TMEM94: variants seen among roughly 807,000 people sequenced by gnomAD.
The protein encoded by TMEM94 is transmembrane protein 94.
Under a neutral mutation model 158.6 loss-of-function variants are expected in TMEM94, and 81 were observed. The observed-to-expected ratio is 0.51, with a 90% CI of 0.43 to 0.61. TMEM94 has a LOEUF of 0.61. TMEM94 is among the 20% of genes least tolerant of loss of function. The pLI, the probability that TMEM94 is intolerant of heterozygous loss-of-function variation, is 0.00. For synonymous variants in TMEM94, 751 were observed against 730.7 expected (o/e 1.03, Z -0.45); for missense variants, 1,435 against 1,762.0 (o/e 0.81, Z 3.32).
At chr17:75,470,644 G>A (rs1200164848) in intron 1 of TMEM94, among the ~76,000 whole-genome samples, 2 of 151,930 alleles carry the variant, frequency 1.3e-5, no homozygotes, top group African/African-American at 2.4e-5. Context: ...GGTGGAGCTT[G>A]CAGTGAGCCG....
At chr17:75,467,807 C>G (rs2050362775) in intron 1 of TMEM94, among the ~76,000 whole-genome samples, 1 of 152,162 alleles carries the variant, frequency 6.6e-6, no homozygotes, top group Non-Finnish European at 1.5e-5. Context: ...GCTGGGATTA[C>G]AGGCGTGAGC....
At chr17:75,483,234 G>A (rs1364519869) in intron 2 of TMEM94, among the ~76,000 whole-genome samples, 2 of 152,150 alleles carry the variant, frequency 1.3e-5, no homozygotes, top group Non-Finnish European at 2.9e-5. Context: ...CACAAGAATC[G>A]GACTTGATTT....
In TMEM94 at chr17:75,485,324, A is replaced by G; in HGVS notation, c.25-104A>G. On this transcript the variant is annotated intron_variant, in intron 2 of 31. Transcript: ENST00000314256. This position sits in a 1 kb window ranked among gnomAD's most constrained non-coding sequence, Gnocchi z 5.5. ...AGGGGAAGAGATGTGAGGATCCCAG[A>G]GGAGGGGAAGGATGAAGGGCCAGGG... 7.5e-7 allele frequency: 1 copy of G among 1,333,756 alleles called. No homozygotes were observed. The highest frequency in any genetic ancestry group is 1.0e-6 in the Non-Finnish European group (1 of 967,510). The allele number at this position is 1,333,756 out of a possible 1,614,324, so 82.6% of individuals were successfully genotyped here. A position where few individuals can be genotyped will look rare whatever the true frequency, so the allele number is the denominator to read the frequency against.
At position 75,488,759 on chromosome 17, in the gene TMEM94, G is replaced by C. The variant is rs755394211; in HGVS notation, c.613G>C (p.Asp205His). 6 of 1,613,854 alleles carry C rather than the reference G, an allele frequency of 3.7e-6. No individual in the cohort carries two copies. The highest frequency in any genetic ancestry group is 5.1e-6 in the Non-Finnish European group (6 of 1,179,920). ...ESFASLRGIK[D>H]DEHIVLEPGD... ...CCACTCTCCCACTTGCTGCCGGCAG[G>C]ATGACGAGCACATCGTCCTGGAGCC... Residue 205 changes from aspartate (D) to histidine (H), a missense_variant and splice_region_variant, in exon 7 of 32, where the codon GAT becomes CAT. By Grantham distance (81) the Asp-to-His change is moderately conservative. This residue lies in a region of TMEM94 where 1,051 missense variants were observed against 1,254.4 expected (regional missense o/e 0.84). Coordinates refer to ENST00000314256, the MANE Select transcript of TMEM94 (RefSeq NM_014738.6).
chr17:75,485,893 T>C lies in TMEM94; in HGVS notation c.167T>C (p.Leu56Pro). The C allele has an allele frequency of 6.2e-7, 1 of 1,613,092 alleles. No homozygotes were observed. Among genetic ancestry groups the C allele is most frequent in the Non-Finnish European group, 8.5e-7 (1 of 1,179,628 alleles). Residue 56 changes from leucine to proline, a missense_variant, in exon 4 of 32, where the codon CTC becomes CCC. Physicochemically the swap from Leu to Pro is moderately conservative, Grantham distance 98 (BLOSUM62 -3). Coordinates refer to ENST00000314256, the MANE Select transcript of TMEM94 (RefSeq NM_014738.6). This position sits in a 1 kb window ranked among gnomAD's most constrained non-coding sequence, Gnocchi z 5.5. ...TWKEVWRSSF[L>P]HHSNRCSCFH... ...CAGGAGGTGTGGAGAAGCAGCTTCC[T>C]CCACCACAGTAACCGCTGCTCCTGC...
rs2051540342 is a variant in TMEM94, at chr17:75,485,758, G to A, written c.145-113G>A. On this transcript the variant is annotated intron_variant, in intron 3 of 31. Transcript: ENST00000314256. This position sits in a 1 kb window ranked among gnomAD's most constrained non-coding sequence, Gnocchi z 5.5. Reference sequence around the variant, plus strand: ...CCCAACAGGCTGGAGCCCAGCCGAGGTCAAAGAGAGGGGACCAAGGCGGCC... The same window carrying A: ...CCCAACAGGCTGGAGCCCAGCCGAGATCAAAGAGAGGGGACCAAGGCGGCC... 7.0e-7 allele frequency: 1 copy of A among 1,423,702 alleles called. No individual in the cohort carries two copies. Among genetic ancestry groups the A allele is most frequent in the Admixed American group, 2.4e-5 (1 of 41,244 alleles). 88.2% of individuals were successfully genotyped at this position (1,423,702 alleles called of 1,614,324 possible). A position where few individuals can be genotyped will look rare whatever the true frequency, so the allele number is the denominator to read the frequency against.
intron 2 of TMEM94, among the ~76,000 whole-genome samples, chr17:75,478,685 C>T (rs964188727): frequency 6.6e-6 from 1 of 152,184 alleles, no homozygotes; most frequent in Non-Finnish European, 1.5e-5. Context: ...CTGCCTCTCC[C>T]GAGTCAGGAC....
rs1598348864 is a variant in TMEM94 at position 75,478,073 on chromosome 17, T to C, written c.24+6144T>C. The stretch of plus-strand genomic sequence containing the variant: ...CTCTGTCGCCCAGGCTGGAGTGCAG[T>C]GGCGGGATCTCGGCTCACTGCAAGC... On this transcript the variant is annotated intron_variant, in intron 2 of 31. Transcript: ENST00000314256. Among the ~76,000 whole-genome samples the C allele has an allele frequency of 2.9e-5, 3 of 104,548 alleles. No individual in the cohort carries two copies. In the South Asian group the frequency reaches 1.2e-3, roughly 43 times the overall value. 68.6% of individuals were successfully genotyped at this position (104,548 alleles called of 152,430 possible).
intron 2 of TMEM94, among the ~76,000 whole-genome samples, chr17:75,483,463 C>CTT (rs1195481464): frequency 5.7e-5 from 8 of 139,350 alleles, no homozygotes; most frequent in Non-Finnish European, 7.9e-5. Flanking sequence ...TTTTTCTTTT[C>CTT]TTTTTTTTTT....
chr17:75,475,647 C>G (rs763690562), intron 2 of TMEM94, among the ~76,000 whole-genome samples: 3 of 152,244 alleles, frequency 2.0e-5, no homozygotes, highest in African/African-American at 4.8e-5. Context: ...GCCTGATGCT[C>G]TGGCATGTGC....
rs750648569 is a variant in TMEM94, at chr17:75,495,929, C to T, written c.2945-37C>T. On this transcript the variant is annotated intron_variant, in intron 22 of 31. Transcript: ENST00000314256. The surrounding 1 kb of genome is among the most constrained non-coding windows in gnomAD (Gnocchi z 5.6). Reference sequence around the variant, plus strand: ...TGCCCAGTGCCCACTTGGTGCTCTGCCTGCCTGACTCTGGTGCCCTTATAC... The same window carrying T: ...TGCCCAGTGCCCACTTGGTGCTCTGTCTGCCTGACTCTGGTGCCCTTATAC... 3.4e-6 allele frequency: 5 copies of T among 1,489,274 alleles called. No homozygotes were observed. The highest frequency in any genetic ancestry group is 1.9e-6 in the Non-Finnish European group (2 of 1,072,046). The allele number at this position is 1,489,274 out of a possible 1,614,324, so 92.3% of individuals were successfully genotyped here.
intron 2 of TMEM94, among the ~76,000 whole-genome samples, chr17:75,482,563 T>C (rs2051262954): frequency 7.0e-6 from 1 of 142,262 alleles, no homozygotes; most frequent in African/African-American, 3.0e-5. Context: ...TATGTATGTA[T>C]GTATGTATAA....
intron 1 of TMEM94, among the ~76,000 whole-genome samples, chr17:75,462,898 G>T (rs1278230246): frequency 7.0e-6 from 1 of 142,534 alleles, no homozygotes; most frequent in Non-Finnish European, 1.5e-5. Flanking sequence ...GAAGTGGAAA[G>T]ATTGTTTGAG....
At chr17:75,477,086 ATGAAGGCACTT>A (rs1567920848) in intron 2 of TMEM94, among the ~76,000 whole-genome samples, 1 of 152,184 alleles carries the variant, frequency 6.6e-6, no homozygotes, top group Non-Finnish European at 1.5e-5. Flanking sequence ...CTCAGGGCCA[ATGAAGGCACTT>A]TGAAGGCACA....
intron 24 of TMEM94, 102 bp from the exon 25 acceptor site, chr17:75,496,628 G>GA: frequency 7.0e-7 from 1 of 1,421,632 alleles, no homozygotes; most frequent in Non-Finnish European, 9.9e-7. Context: ...TCCCCTCGTA[G>GA]AAGCATCCTG....
Position 75,498,865 on chromosome 17 carries a change from A to C in TMEM94, c.3828-47A>C. The C allele has an allele frequency of 6.6e-7, 1 of 1,525,496 alleles. No individual in the cohort carries two copies. The highest frequency in any genetic ancestry group is 8.8e-7 in the Non-Finnish European group (1 of 1,136,620). The allele number at this position is 1,525,496 out of a possible 1,614,324, so 94.5% of individuals were successfully genotyped here. A position where few individuals can be genotyped will look rare whatever the true frequency, so the allele number is the denominator to read the frequency against. On this transcript the variant is annotated intron_variant, in intron 30 of 31. Coordinates refer to ENST00000314256, the MANE Select transcript of TMEM94 (RefSeq NM_014738.6). The surrounding 1 kb of genome is among the most constrained non-coding windows in gnomAD (Gnocchi z 6.7). ...ACTGTTGTACTGGGAAGAGCAGGGA[A>C]GGAAGCAAGCAGTGTCGGGTTCACA...
At chr17:75,494,431 A>G (rs2052495716) in intron 18 of TMEM94, among the ~76,000 whole-genome samples, 196 bp from the exon 19 acceptor site, 1 of 152,244 alleles carries the variant, frequency 6.6e-6, no homozygotes, top group Non-Finnish European at 1.5e-5. Flanking sequence ...CTTCCAGCTC[A>G]GATTCGGCTA....
At position 75,489,449 on chromosome 17, in the gene TMEM94, G is replaced by A; in HGVS notation, c.867+81G>A. ...GGGGGGGTCTCAGGGCCACTCACAT[G>A]AGCGGGAGTGAATGCAGAGGGTCCC... On this transcript the variant is annotated intron_variant, in intron 8 of 31. Transcript: ENST00000314256. This position sits in a 1 kb window ranked among gnomAD's most constrained non-coding sequence, Gnocchi z 5.0. 2 of 1,490,314 alleles carry A rather than the reference G, an allele frequency of 1.3e-6. No individual in the cohort carries two copies. Among genetic ancestry groups the A allele is most frequent in the South Asian group, 2.3e-5 (2 of 88,378 alleles). The allele number at this position is 1,490,314 out of a possible 1,614,324, so 92.3% of individuals were successfully genotyped here.
rs1433704840 is a variant in TMEM94, at chr17:75,485,717, C to T, written c.145-154C>T. ...GTTCCCCTCAGAGTGGCTCCTGAGC[C>T]TGCTTGCTGCAGGAGCCCAACAGGC... On this transcript the variant is annotated intron_variant, in intron 3 of 31. Coordinates refer to ENST00000314256, the MANE Select transcript of TMEM94 (RefSeq NM_014738.6). This position sits in a 1 kb window ranked among gnomAD's most constrained non-coding sequence, Gnocchi z 5.5. 1.5e-6 allele frequency: 2 copies of T among 1,327,424 alleles called. No homozygotes were observed. Among genetic ancestry groups the T allele is most frequent in the Non-Finnish European group, 1.0e-6 (1 of 974,054 alleles). The allele number at this position is 1,327,424 out of a possible 1,614,324, so 82.2% of individuals were successfully genotyped here. A position where few individuals can be genotyped will look rare whatever the true frequency, so the allele number is the denominator to read the frequency against.
Sources: allele counts gnomAD v4.1 joint callset (sites outside exome capture counted in the v4.1 genomes callset), GRCh38; gene constraint gnomAD v4.1.1; regional missense constraint gnomAD v4.1.1; non-coding constraint Gnocchi (gnomAD v3.1); transcripts MANE v1.5; gene names NCBI Gene and HGNC (gene_info 2026-07-23, HGNC 2026-07-21).